PSD3: variants seen among roughly 807,000 people sequenced by gnomAD.
PSD3 encodes pleckstrin and Sec7 domain containing 3, also known as PH and SEC7 domain-containing protein 3.
In PSD3, 49 loss-of-function variants were observed where a neutral mutation model predicts 105.5. The observed-to-expected ratio is 0.46, with a 90% confidence interval of 0.37 to 0.59. The LOEUF is 0.59. Among genes scored for constraint, PSD3 ranks in the 20% least tolerant of loss-of-function variants. The probability of loss-of-function intolerance (pLI) is 0.00; values close to 1 mark genes in which losing one functional copy is unlikely to be tolerated. For synonymous variants in PSD3, 557 were observed against 457.8 expected (o/e 1.22, Z -2.77); for missense variants, 1,561 against 1,263.8 (o/e 1.24, Z -3.57).
intron 1 of PSD3, among the ~76,000 whole-genome samples, chr8:18,966,769 G>C (rs376472520): frequency 6.6e-6 from 1 of 152,136 alleles, no homozygotes; most frequent in East Asian, 1.9e-4. Flanking sequence ...GGCTCAATTT[G>C]AATAGATGGT....
At chr8:19,037,515 G>A (rs1470572577) in intron 1 of PSD3, among the ~76,000 whole-genome samples, 1 of 152,222 alleles carries the variant, frequency 6.6e-6, no homozygotes, top group Non-Finnish European at 1.5e-5. Flanking sequence ...TTATTTCTGG[G>A]TGTCTGTGAG....
intron 2 of PSD3, among the ~76,000 whole-genome samples, chr8:18,881,621 C>G (rs1313127910): frequency 2.0e-5 from 3 of 152,176 alleles, no homozygotes; most frequent in African/African-American, 4.8e-5. Context: ...TTTCCCCAGA[C>G]TATATGGCAG....
At chr8:18,876,647 G>C (rs1031592886) in intron 2 of PSD3, among the ~76,000 whole-genome samples, 4 of 152,230 alleles carry the variant, frequency 2.6e-5, no homozygotes, top group Non-Finnish European at 5.9e-5. Context: ...GGATACGCCT[G>C]CCTCGGCCTC....
chr8:18,591,683 G>C (rs970842042), intron 12 of PSD3, among the ~76,000 whole-genome samples: 1 of 152,162 alleles, frequency 6.6e-6, no homozygotes, highest in Non-Finnish European at 1.5e-5. Flanking sequence ...GAGGGAGAGA[G>C]AGAGGAGCAG....
chr8:18,837,653 C>T (rs114294172), intron 4 of PSD3, among the ~76,000 whole-genome samples: 1 of 152,140 alleles, frequency 6.6e-6, no homozygotes, highest in Admixed American at 6.5e-5. Flanking sequence ...TCTAAAAGTA[C>T]TCTAGGCCAG....
chr8:19,084,530 G>A (rs768816617), exon 1 of PSD3: 1 of 411,490 alleles, frequency 2.4e-6, no homozygotes, highest in East Asian at 7.1e-5. Context: ...CATCACTCAT[G>A]ATGGGAGCTG....
At chr8:18,616,718 G>A (rs1352321511) in intron 11 of PSD3, among the ~76,000 whole-genome samples, 2 of 143,914 alleles carry the variant, frequency 1.4e-5, no homozygotes, top group Non-Finnish European at 3.0e-5. Context: ...CCGCCTCCCG[G>A]GTTCACGCCA....
chr8:18,792,489 A>C (rs1255208061), intron 8 of PSD3, among the ~76,000 whole-genome samples: 1 of 152,180 alleles, frequency 6.6e-6, no homozygotes, highest in Non-Finnish European at 1.5e-5. Context: ...ATGTGTGCTC[A>C]CTTGTAAGTG....
rs183133028 is a variant in PSD3 at position 18,839,602 on chromosome 8, G to C, written c.1634+28072C>G. 4.5e-4 allele frequency among the ~76,000 whole-genome samples: 69 copies of C among 152,232 alleles called. 1 individual carries two copies. The highest frequency in any genetic ancestry group is 1.6e-3 in the African/African-American group (68 of 41,546). On this transcript the variant is annotated intron_variant, in intron 4 of 15. Transcript: ENST00000327040. Reference sequence around the variant, plus strand: ...GAAACACTTCTGCAAATGTAAGCAGGAACCAGGTTTACTCACCCAGAGAAA... The same window carrying C: ...GAAACACTTCTGCAAATGTAAGCAGCAACCAGGTTTACTCACCCAGAGAAA...
chr8:18,701,267 G>C (rs1801567351), intron 9 of PSD3, among the ~76,000 whole-genome samples: 1 of 151,966 alleles, frequency 6.6e-6, no homozygotes, highest in Non-Finnish European at 1.5e-5. Context: ...ACTGTGACTG[G>C]CCACATGAAA....
At chr8:18,721,465 T>C (rs73666699) in intron 9 of PSD3, among the ~76,000 whole-genome samples, 11,271 of 152,240 alleles carry the variant, frequency 0.074, 1,220 homozygotes, top group African/African-American at 0.24. Flanking sequence ...TGAAGTTCTA[T>C]AGCATAGCTG....
intron 1 of PSD3, among the ~76,000 whole-genome samples, chr8:18,984,495 A>T (rs1384878025): frequency 6.6e-6 from 1 of 152,140 alleles, no homozygotes; most frequent in Non-Finnish European, 1.5e-5. Flanking sequence ...CATTAAAAAT[A>T]CCAAAAAAAT....
intron 10 of PSD3, among the ~76,000 whole-genome samples, chr8:18,635,972 T>C (rs921942505): frequency 1.3e-5 from 2 of 152,138 alleles, no homozygotes; most frequent in African/African-American, 2.4e-5. Context: ...AATGGTTTGA[T>C]AGGTGCAGCA....
At chr8:18,989,071 C>T (rs779969148) in intron 1 of PSD3, among the ~76,000 whole-genome samples, 1 of 152,144 alleles carries the variant, frequency 6.6e-6, no homozygotes, top group Non-Finnish European at 1.5e-5. Flanking sequence ...TATTCAATTC[C>T]TCCAGTTTTA....
intron 1 of PSD3, among the ~76,000 whole-genome samples, chr8:18,989,099 A>T (rs1825657511): frequency 6.6e-6 from 1 of 152,230 alleles, no homozygotes; most frequent in South Asian, 2.1e-4. Flanking sequence ...CTTATGAAGA[A>T]ATAAATAGCA....
At chr8:18,936,213 T>C (rs972199463) in intron 1 of PSD3, 71 bp from the exon 2 acceptor site, 2 of 990,660 alleles carry the variant, frequency 2.0e-6, no homozygotes, top group South Asian at 1.3e-5. Flanking sequence ...AAACAAATTA[T>C]CCAACATGAG....
At chr8:18,900,750 A>T (rs1435501367) in intron 2 of PSD3, among the ~76,000 whole-genome samples, 1 of 149,190 alleles carries the variant, frequency 6.7e-6, no homozygotes, top group Non-Finnish European at 1.5e-5. Context: ...AGACATCCTG[A>T]CACCTCAGCC....
chr8:18,758,192 A>G (rs1365044876), intron 9 of PSD3, among the ~76,000 whole-genome samples: 1 of 152,194 alleles, frequency 6.6e-6, no homozygotes, highest in African/African-American at 2.4e-5. Context: ...GTCTCCAGCT[A>G]TACTTGTACT....
At chr8:18,574,835 A>C (rs1319899973) in intron 13 of PSD3, among the ~76,000 whole-genome samples, 1 of 152,170 alleles carries the variant, frequency 6.6e-6, no homozygotes, top group African/African-American at 2.4e-5. Context: ...TTTGCGATAA[A>C]ACTTGTCTAC....
Sources: allele counts gnomAD v4.1 joint callset (sites outside exome capture counted in the v4.1 genomes callset), GRCh38; gene constraint gnomAD v4.1.1; transcripts MANE v1.5; gene names NCBI Gene and HGNC (gene_info 2026-07-23, HGNC 2026-07-21).